Variants in ZAN observed in about 807,000 individuals in gnomAD.
ZAN encodes zonadhesin (gene/pseudogene).
ZAN carries 260 observed loss-of-function variants against 286.2 expected under a neutral mutation model. The observed-to-expected ratio is 0.91, with a 90% CI of 0.82 to 1.01. The LOEUF (loss-of-function observed/expected upper bound fraction) is 1.01. ZAN is among the 50% of genes least tolerant of loss of function. The probability of loss-of-function intolerance (pLI) is 0.00; values close to 1 mark genes in which losing one functional copy is unlikely to be tolerated. For missense variants in ZAN, 3,410 were observed against 3,639.2 expected (o/e 0.94, Z 1.62); for synonymous variants, 1,368 against 1,417.5 (o/e 0.97, Z 0.79).
rs1291661742 is a variant in ZAN, at chr7:100,763,995, T to A, written c.4098-32T>A. On this transcript the variant is annotated intron_variant, in intron 21 of 47. Coordinates refer to ENST00000613979, the MANE Select transcript of ZAN (RefSeq NM_003386.3). This position sits in a 1 kb window ranked among gnomAD's most constrained non-coding sequence, Gnocchi z 4.6. ...CCTCCAAGGCTCTACCCCCTTCCAC[T>A]GCATTCCCCCTGACTTGGTCACTCC... 1.9e-6 allele frequency: 3 copies of A among 1,613,674 alleles called. No individual in the cohort carries two copies. Among genetic ancestry groups the A allele is most frequent in the African/African-American group, 1.3e-5 (1 of 74,930 alleles).
chr7:100,789,448 C>G lies in ZAN; in HGVS notation c.7357+101C>G, dbSNP rs1030417572. 7 of 1,529,036 alleles carry G rather than the reference C, an allele frequency of 4.6e-6. No individual in the cohort carries two copies. In the South Asian group the frequency reaches 7.6e-5, roughly 17 times the overall value. The allele number at this position is 1,529,036 out of a possible 1,614,324, so 94.7% of individuals were successfully genotyped here. A position where few individuals can be genotyped will look rare whatever the true frequency, so the allele number is the denominator to read the frequency against. ...CAAATCCTGGTGAGCAGACTCGGCC[C>G]GGTAGTGGGGCACCCAGCTTCAGAG... On this transcript the variant is annotated intron_variant, in intron 39 of 47. Transcript: ENST00000613979.
chr7:100,748,589 G>T, intron 11 of ZAN, 119 bp downstream of exon 11: 1 of 1,369,262 alleles, frequency 7.3e-7, no homozygotes, highest in Non-Finnish European at 9.8e-7. Flanking sequence ...CAGTCCACAG[G>T]TGTTTTTTCG....
Position 100,775,795 on chromosome 7 carries a change from C to A in ZAN, c.6154C>A (p.Leu2052Ile). 4 of 1,613,888 alleles carry A rather than the reference C, an allele frequency of 2.5e-6. No individual in the cohort carries two copies. The highest frequency in any genetic ancestry group is 3.4e-6 in the Non-Finnish European group (4 of 1,179,896). Residue 2052 changes from leucine (L) to isoleucine (I), a missense_variant, in exon 33 of 48, where the codon CTC becomes ATC. This residue lies in a region of ZAN where 1,289 missense variants were observed against 1,314.3 expected (regional missense o/e 0.98). Transcript: ENST00000613979. Reference sequence around the variant, plus strand: ...GCAAGTCAAGTTTGACGGGAATCATCTCTTAGAGATTGAAATCCCCACAAC... The same window carrying A: ...GCAAGTCAAGTTTGACGGGAATCATATCTTAGAGATTGAAATCCCCACAAC... Reference protein sequence around the residue: ...GVQVKFDGNHLLEIEIPTTYY... With the variant: ...GVQVKFDGNHILEIEIPTTYY...
At position 100,736,903 on chromosome 7, in the gene ZAN, T is replaced by C; in HGVS notation, c.348T>C (p.Cys116=). 6.7e-7 allele frequency: 1 copy of C among 1,491,028 alleles called. No homozygotes were observed. The highest frequency in any genetic ancestry group is 9.2e-7 in the Non-Finnish European group (1 of 1,091,388). The allele number at this position is 1,491,028 out of a possible 1,614,324, so 92.4% of individuals were successfully genotyped here. Residue 116 remains cysteine, a synonymous_variant, in exon 5 of 48, where the codon TGT becomes TGC. Transcript: ENST00000613979. The part of the protein sequence containing the change: ...SPDLWEQGPL[C]VHFAHHMFGL... The stretch of plus-strand genomic sequence containing the variant: ...ACCTATGGGAGCAAGGCCCCCTCTG[T>C]GTGCACTTTGCCCACCACATGTTCG...
chr7:100,738,625 C>A lies in ZAN; in HGVS notation c.766+12C>A. On this transcript the variant is annotated intron_variant, in intron 7 of 47. Transcript: ENST00000613979. ...CTCTAGCCCTGGTAGTGAGTAGCGG[C>A]CATGCTTCTGTCCCTTGACTTTCTG... 1 of 1,513,592 alleles carries A rather than the reference C, an allele frequency of 6.6e-7. No homozygotes were observed. The highest frequency in any genetic ancestry group is 9.1e-7 in the Non-Finnish European group (1 of 1,102,622). 93.8% of individuals were successfully genotyped at this position (1,513,592 alleles called of 1,614,324 possible).
Position 100,734,632 on chromosome 7 carries a change from C to CA in ZAN, c.53+420dup, listed in dbSNP as rs1425408541. ...AGACTCCGTCTCAAAAAAAAAAAAA[C>CA]AAAAAAAAAGACCTTGAGAGGAAGG... is the stretch of plus-strand genomic sequence containing the variant. On this transcript the variant is annotated intron_variant, in intron 2 of 47. Transcript: ENST00000613979. 2.2e-4 allele frequency among the ~76,000 whole-genome samples: 28 copies of CA among 124,978 alleles called. 5 individuals carry two copies. The highest frequency in any genetic ancestry group is 1.3e-3 in the East Asian group (6 of 4,552). The allele number at this position is 124,978 out of a possible 152,430, so 82.0% of individuals were successfully genotyped here. A position where few individuals can be genotyped will look rare whatever the true frequency, so the allele number is the denominator to read the frequency against.
At chr7:100,770,182 C>T (rs994754512) in intron 28 of ZAN, among the ~76,000 whole-genome samples, 6 of 151,572 alleles carry the variant, frequency 4.0e-5, no homozygotes, top group African/African-American at 7.3e-5. Flanking sequence ...TAGATAAATC[C>T]GGGATTTCTT....
chr7:100,789,895 A>C (rs1371065980), intron 39 of ZAN, among the ~76,000 whole-genome samples: 2 of 151,988 alleles, frequency 1.3e-5, no homozygotes, highest in East Asian at 3.9e-4. Context: ...CAGTGAGCTG[A>C]GATCGTGCCA....
At position 100,750,938 on chromosome 7, in the gene ZAN, G is replaced by A. The variant is rs149298108; in HGVS notation, c.1521+42G>A. ...GGGGTCCTGTCTGTGTGAGGTGAGAGGGCCAATGCCTGGGATCTGGGGGCG... is the reference window on the plus strand; with the variant it reads ...GGGGTCCTGTCTGTGTGAGGTGAGAAGGCCAATGCCTGGGATCTGGGGGCG... On this transcript the variant is annotated intron_variant, in intron 12 of 47. Coordinates refer to ENST00000613979, the MANE Select transcript of ZAN (RefSeq NM_003386.3). 2,353 of 1,515,022 alleles carry A rather than the reference G, an allele frequency of 1.6e-3. 38 individuals are homozygous for A. The African/African-American group carries it at 0.03, about 19-fold the overall frequency. 93.8% of individuals were successfully genotyped at this position (1,515,022 alleles called of 1,614,324 possible). A position where few individuals can be genotyped will look rare whatever the true frequency, so the allele number is the denominator to read the frequency against.
At chr7:100,789,822 G>A (rs1261905916) in intron 39 of ZAN, among the ~76,000 whole-genome samples, 1 of 152,110 alleles carries the variant, frequency 6.6e-6, no homozygotes, top group Non-Finnish European at 1.5e-5. Context: ...GTGGGCGCCT[G>A]TAATCCCAGC....
chr7:100,775,943 C>A, intron 33 of ZAN, 110 bp downstream of exon 33: 2 of 1,411,278 alleles, frequency 1.4e-6, no homozygotes, highest in Non-Finnish European at 9.7e-7. Flanking sequence ...GAGGCCACTC[C>A]TCAGGATGGA....
Position 100,793,864 on chromosome 7 carries a change from C to G in ZAN, c.7832C>G (p.Thr2611Ser), listed in dbSNP as rs774020565. ...TACCATATATCAGAGCTGTATGACA[C>G]CCTGCCCAGCATCCTGTGCCAACCT... Reference protein sequence around the residue: ...SRYHISELYDTLPSILCQPGR... With the variant: ...SRYHISELYDSLPSILCQPGR... Residue 2611 changes from threonine to serine, a missense_variant, in exon 43 of 48, where the codon ACC (threonine) becomes AGC (serine). This residue lies in a region of ZAN where 1,289 missense variants were observed against 1,314.3 expected (regional missense o/e 0.98). Transcript: ENST00000613979. 7 of 1,613,252 alleles carry G rather than the reference C, an allele frequency of 4.3e-6. No homozygotes were observed. The highest frequency in any genetic ancestry group is 1.7e-4 in the Middle Eastern group (1 of 6,060).
At position 100,746,265 on chromosome 7, in the gene ZAN, GAGTT is replaced by G. The variant is rs571876758; in HGVS notation, c.767-270_767-267del. On this transcript the variant is annotated intron_variant, in intron 7 of 47. Transcript: ENST00000613979. ...ACAAAAACAAAACAACAACAACAAA[GAGTT>G]AGCACCCAAAGGTCAAAGTTCTAGT... Among the ~76,000 whole-genome samples the G allele has an allele frequency of 1.2e-4, 19 of 152,204 alleles. No homozygotes were observed. The Middle Eastern group carries it at 0.01, about 82-fold the overall frequency.
chr7:100,775,832 A>G lies in ZAN; in HGVS notation c.6191A>G (p.Lys2064Arg). ...EIEIPTTYYG[K>R]VCGMCGNFND... ...GAAATCCCCACAACCTACTATGGAAAGGTGAGGAAAACATCTGGCTCTTCT... is the reference window on the plus strand; with the variant it reads ...GAAATCCCCACAACCTACTATGGAAGGGTGAGGAAAACATCTGGCTCTTCT... Residue 2064 changes from lysine (K) to arginine (R), a missense_variant and splice_region_variant, in exon 33 of 48, where the codon AAG becomes AGG. Transcript: ENST00000613979. 1 of 1,613,524 alleles carries G rather than the reference A, an allele frequency of 6.2e-7. No individual in the cohort carries two copies. The highest frequency in any genetic ancestry group is 8.5e-7 in the Non-Finnish European group (1 of 1,179,768).
At chr7:100,779,262 G>C (rs1177921524) in intron 34 of ZAN, among the ~76,000 whole-genome samples, 184 bp from the exon 35 acceptor site, 2 of 151,484 alleles carry the variant, frequency 1.3e-5, no homozygotes, top group Non-Finnish European at 2.9e-5. Flanking sequence ...TCAGCAACTC[G>C]GAAGGCTGAG....
chr7:100,749,540 T>C (rs1304815335), intron 11 of ZAN, among the ~76,000 whole-genome samples: 1 of 150,118 alleles, frequency 6.7e-6, no homozygotes, highest in East Asian at 2.0e-4. Flanking sequence ...CTCGGGAGGC[T>C]GAGGCAGGAG....
chr7:100,769,365 A>G (rs1435623748), intron 27 of ZAN, among the ~76,000 whole-genome samples: 1 of 152,050 alleles, frequency 6.6e-6, no homozygotes, highest in Non-Finnish European at 1.5e-5. Context: ...AAGTGCTGGG[A>G]TTACAGGTGT....
At chr7:100,774,667 T>A (rs972856014) in intron 31 of ZAN, among the ~76,000 whole-genome samples, 15 of 151,410 alleles carry the variant, frequency 9.9e-5, no homozygotes, top group African/African-American at 1.9e-4. Flanking sequence ...CTAAAAAAAA[T>A]TTTTTTTAAT....
chr7:100,773,964 T>C (rs555068471), intron 31 of ZAN, 99 bp downstream of exon 31: 7 of 1,465,868 alleles, frequency 4.8e-6, no homozygotes, highest in Non-Finnish European at 6.4e-6. Flanking sequence ...GGGTTTCAGG[T>C]TTTGACTGGT....
Sources: gnomAD v4.1 joint callset for allele counts (sites outside exome capture counted in the v4.1 genomes callset) on GRCh38, gnomAD v4.1.1 for gene constraint, gnomAD v4.1.1 regional missense constraint, Gnocchi (gnomAD v3.1) non-coding constraint, MANE v1.5 for transcripts, NCBI Gene and HGNC (gene_info 2026-07-23, HGNC 2026-07-21) for gene names.